The following KIFC3 variants were observed in gnomAD, a reference collection of about 807,000 sequenced individuals.
KIFC3 encodes kinesin family member C3, also known as kinesin-like protein KIFC3.
KIFC3 carries 60 observed loss-of-function variants against 101.8 expected under a neutral mutation model. The observed-to-expected ratio is 0.59, with a 90% CI of 0.48 to 0.73. The LOEUF (loss-of-function observed/expected upper bound fraction) is 0.73, where lower values mean the gene tolerates loss of function less well. Ranked by LOEUF, KIFC3 falls within the 30% of genes least tolerant of loss-of-function variation. The probability of loss-of-function intolerance (pLI) is 0.00; values close to 1 mark genes in which losing one functional copy is unlikely to be tolerated. For synonymous variants in KIFC3, 476 were observed against 482.7 expected, an observed-to-expected ratio of 0.99 and a Z score of 0.18; for missense variants, 966 against 1,137.1, an observed-to-expected ratio of 0.85 and a Z score of 2.16.
rs555582718 is a variant in KIFC3, at chr16:57,849,506, C to A, written c.108+13223G>T. Among the ~76,000 whole-genome samples, 3 of 152,234 alleles carry A rather than the reference C, an allele frequency of 2.0e-5. No homozygotes were observed. In the East Asian group the frequency reaches 5.8e-4, roughly 29 times the overall value. On this transcript the variant is annotated intron_variant, in intron 1 of 2. Transcript: ENST00000563028. The stretch of plus-strand genomic sequence containing the variant: ...GGCACTTCTCTAAAAATCTGAAAGT[C>A]AATATAGTCTTTTAAACTACAGAGT...
At position 57,847,760 on chromosome 16, in the gene KIFC3, TTGTGTGTG is replaced by T. The variant is rs35081728; in HGVS notation, c.108+14961_108+14968del. On this transcript the variant is annotated intron_variant, in intron 1 of 2. Coordinates refer to the KIFC3 transcript ENST00000563028. ...GATTAAGTCCAGATGCCAGATGAATTTGTGTGTGTGTGTGTGTGTGTGTGTGTGTGTGT... is the reference window on the plus strand; with the variant it reads ...GATTAAGTCCAGATGCCAGATGAATTTGTGTGTGTGTGTGTGTGTGTGTGT... Among the ~76,000 whole-genome samples, 325 of 139,782 alleles carry T rather than the reference TTGTGTGTG, an allele frequency of 2.3e-3. 1 individual carries two copies. The highest frequency in any genetic ancestry group is 0.013 in the South Asian group (52 of 3,994). The allele number at this position is 139,782 out of a possible 152,430, so 91.7% of individuals were successfully genotyped here. A position where few individuals can be genotyped will look rare whatever the true frequency, so the allele number is the denominator to read the frequency against.
chr16:57,814,669 A>T (rs1179305648), intron 1 of KIFC3, among the ~76,000 whole-genome samples: 3 of 151,920 alleles, frequency 2.0e-5, no homozygotes, highest in Non-Finnish European at 4.4e-5. Context: ...TCTGTCACCC[A>T]GGCTGGAGTG....
chr16:57,783,740 TG>T (rs1337939000), intron 3 of KIFC3, among the ~76,000 whole-genome samples: 2 of 152,198 alleles, frequency 1.3e-5, no homozygotes, highest in African/African-American at 4.8e-5. Context: ...CCCAAAATGC[TG>T]GGATTACAGG....
chr16:57,805,853 T>G (rs1555626821), upstream of KIFC3, among the ~76,000 whole-genome samples: 1 of 151,966 alleles, frequency 6.6e-6, no homozygotes, highest in Non-Finnish European at 1.5e-5. Flanking sequence ...TTTTTGTATT[T>G]TTAGTAGAGA....
upstream of KIFC3, among the ~76,000 whole-genome samples, chr16:57,806,448 C>T (rs545657411): frequency 3.3e-5 from 5 of 152,240 alleles, no homozygotes; most frequent in African/African-American, 1.2e-4. Context: ...GCAGCATCCC[C>T]GACCCTGGAT....
intron 1 of KIFC3, among the ~76,000 whole-genome samples, chr16:57,809,318 T>G (rs956940619): frequency 1.4e-4 from 22 of 152,262 alleles, no homozygotes; most frequent in Admixed American, 3.3e-4. Context: ...TATTTAGAGT[T>G]GGGGTCTCGC....
intron 19 of KIFC3, 66 bp from the exon 20 acceptor site, chr16:57,758,975 C>T: frequency 1.3e-6 from 2 of 1,542,102 alleles, no homozygotes; most frequent in South Asian, 1.2e-5. Context: ...GCAGTTGCCA[C>T]CGAGAGCAGG....
At chr16:57,853,915 G>T (rs891691345) in intron 1 of KIFC3, among the ~76,000 whole-genome samples, 1 of 152,042 alleles carries the variant, frequency 6.6e-6, no homozygotes, top group Non-Finnish European at 1.5e-5. Context: ...TTATAGGTGT[G>T]AGCCACTGCA....
At chr16:57,760,233 A>G in intron 17 of KIFC3, 49 bp downstream of exon 17, 1 of 1,577,390 alleles carries the variant, frequency 6.3e-7, no homozygotes, top group Non-Finnish European at 8.6e-7. Flanking sequence ...CATGACCCAA[A>G]GTCTCTGACC....
At chr16:57,858,264 C>A (rs2056221646) in intron 1 of KIFC3, among the ~76,000 whole-genome samples, 1 of 152,134 alleles carries the variant, frequency 6.6e-6, no homozygotes, top group East Asian at 1.9e-4. Flanking sequence ...AGTCTCAGAG[C>A]CTCATTGCAA....
intron 3 of KIFC3, chr16:57,776,266 G>C (rs782142371): frequency 1.3e-4 from 125 of 985,378 alleles, no homozygotes; most frequent in Non-Finnish European, 1.5e-4. Flanking sequence ...CCAGAGGCCA[G>C]CGGGGCGGCC....
At chr16:57,764,275 T>TGGGGGGGTGGGTGGGGGGG in intron 11 of KIFC3, 28 bp from the exon 12 acceptor site, 1 of 539,920 alleles carries the variant, frequency 1.9e-6, no homozygotes. Context: ...GGGAGGCTGG[T>TGGGGGGGTGGGTGGGGGGG]GGGGGGGCTT....
intron 1 of KIFC3, among the ~76,000 whole-genome samples, chr16:57,829,286 C>T (rs2055526199): frequency 1.3e-5 from 2 of 152,148 alleles, no homozygotes; most frequent in South Asian, 4.1e-4. Context: ...CAGGGTCTCA[C>T]TCTGTTGCCC....
chr16:57,796,042 C>G (rs1228618536), intron 2 of KIFC3, among the ~76,000 whole-genome samples: 3 of 151,882 alleles, frequency 2.0e-5, no homozygotes. Context: ...TACAGGTGCG[C>G]ACCACCAGCC....
At chr16:57,810,707 T>G in intron 1 of KIFC3, 2 of 985,222 alleles carry the variant, frequency 2.0e-6, no homozygotes, top group South Asian at 9.4e-5. Flanking sequence ...AGGGACAGCT[T>G]CATGCCAGGC....
rs114047400 is a variant in KIFC3, at chr16:57,765,911, C to T, written c.1331-271G>A. On this transcript the variant is annotated intron_variant, in intron 10 of 19. Transcript: ENST00000445690. ...GGAAAGGTCAGTTGTGGGGCTCAAG[C>T]ACTGCACCCCGTCAGGGTGAGACAC... 2,358 of 398,484 alleles carry T rather than the reference C, an allele frequency of 5.9e-3. 63 individuals are homozygous for T. Among genetic ancestry groups the T allele is most frequent in the African/African-American group, 0.044 (2,181 of 49,194 alleles). The allele number at this position is 398,484 out of a possible 1,614,324, so 24.7% of individuals were successfully genotyped here.
chr16:57,840,839 G>A (rs2055791568), intron 1 of KIFC3, among the ~76,000 whole-genome samples: 1 of 151,734 alleles, frequency 6.6e-6, no homozygotes, highest in African/African-American at 2.4e-5. Context: ...CAAGTCAAAT[G>A]GGTTCTACAC....
chr16:57,837,180 A>G (rs1239585227), intron 1 of KIFC3, among the ~76,000 whole-genome samples: 2 of 152,164 alleles, frequency 1.3e-5, no homozygotes, highest in African/African-American at 2.4e-5. Context: ...CTGACAATGT[A>G]GCAGCAGGGC....
chr16:57,772,689 G>A (rs1006172866), intron 3 of KIFC3, among the ~76,000 whole-genome samples: 6 of 152,078 alleles, frequency 3.9e-5, no homozygotes, highest in Non-Finnish European at 7.4e-5. Context: ...TCTTTAAAAG[G>A]GCCCCCAGAT....
Sources: gnomAD v4.1 joint callset for allele counts (sites outside exome capture counted in the v4.1 genomes callset) on GRCh38, gnomAD v4.1.1 for gene constraint, MANE v1.5 for transcripts, NCBI Gene and HGNC (gene_info 2026-07-23, HGNC 2026-07-21) for gene names.